Variants in YTHDC1 observed in about 807,000 individuals in gnomAD.
YTHDC1 encodes YTH domain-containing protein 1.
A neutral mutation model predicts 107.0 loss-of-function variants in YTHDC1; 12 were observed. That is an observed-to-expected ratio of 0.11 (90% CI 0.07 to 0.18). YTHDC1 has a LOEUF of 0.18. Among genes scored for constraint, YTHDC1 ranks in the 10% least tolerant of loss-of-function variants. The pLI is 1.00. For synonymous variants in YTHDC1, 280 were observed against 289.5 expected (o/e 0.97, Z 0.33); for missense variants, 635 against 898.8 (o/e 0.71, Z 3.75).
chr4:68,348,814 T>C (rs1378669576), intron 1 of YTHDC1, among the ~76,000 whole-genome samples: 2 of 152,248 alleles, frequency 1.3e-5, no homozygotes, highest in Admixed American at 6.5e-5. Flanking sequence ...GACCGTGTCA[T>C]ATTTTTAACT....
In YTHDC1 at chr4:68,313,202, T is replaced by C. The variant is rs2293595; in HGVS notation, c.*897A>G. 76,824 of 152,050 alleles carry C rather than the reference T, an allele frequency of 0.51. 19,715 individuals carry two copies. Among genetic ancestry groups the C allele is most frequent in the South Asian group, 0.62 (2,985 of 4,818 alleles). The allele number at this position is 152,050 out of a possible 1,614,324, so 9.4% of individuals were successfully genotyped here. On this transcript the variant is annotated 3_prime_UTR_variant, in exon 17 of 17. Transcript: ENST00000344157. ...CCTAGGTCAATCATTTCTGCTAAAG[T>C]GTGCCTCAAAAAAAGCAAATGGGGT... is the stretch of plus-strand genomic sequence containing the variant.
intron 4 of YTHDC1, among the ~76,000 whole-genome samples, chr4:68,335,058 C>G (rs1165927756): frequency 3.3e-5 from 5 of 152,156 alleles, no homozygotes; most frequent in African/African-American, 9.7e-5. Context: ...TCTCCCCCAA[C>G]TATTACTCTC....
Position 68,322,723 on chromosome 4 carries a change from T to C in YTHDC1, c.1601+26A>G, listed in dbSNP as rs758926168. ...CATGTTATTCTGATACATGTGCCTA[T>C]TATCAGTCCAAAGAACGTTTCTAAC... On this transcript the variant is annotated intron_variant, in intron 11 of 16. Transcript: ENST00000344157. This position sits in a 1 kb window ranked among gnomAD's most constrained non-coding sequence, Gnocchi z 4.8. 6.2e-7 allele frequency: 1 copy of C among 1,611,092 alleles called. No individual in the cohort carries two copies. Among genetic ancestry groups the C allele is most frequent in the African/African-American group, 1.3e-5 (1 of 75,022 alleles).
intron 9 of YTHDC1, among the ~76,000 whole-genome samples, chr4:68,329,261 CCA>C (rs1261435004): frequency 6.6e-6 from 1 of 152,092 alleles, no homozygotes; most frequent in African/African-American, 2.4e-5. Flanking sequence ...CCCTGCAACC[CCA>C]TAGTTTGTTT....
intron 5 of YTHDC1, 73 bp downstream of exon 5, chr4:68,333,235 C>G: frequency 8.4e-7 from 1 of 1,190,304 alleles, no homozygotes; most frequent in Non-Finnish European, 1.2e-6. Flanking sequence ...TCACACTAAA[C>G]TACAGCCTCC....
chr4:68,349,017 C>T (rs1725763737), intron 1 of YTHDC1, among the ~76,000 whole-genome samples: 1 of 152,132 alleles, frequency 6.6e-6, no homozygotes, highest in African/African-American at 2.4e-5. Flanking sequence ...AAATTTATCC[C>T]TCCAACTCTC....
In YTHDC1 at chr4:68,332,217, A is replaced by C; in HGVS notation, c.1028-20T>G. Reference sequence around the variant, plus strand: ...TTTGATCTGAAAAAAAAAGAAACCCAAATCGATTAACCACAAGCCATTATC... The same window carrying C: ...TTTGATCTGAAAAAAAAAGAAACCCCAATCGATTAACCACAAGCCATTATC... On this transcript the variant is annotated intron_variant, in intron 6 of 16. Coordinates refer to ENST00000344157, the MANE Select transcript of YTHDC1 (RefSeq NM_001031732.4). The C allele has an allele frequency of 6.5e-7, 1 of 1,539,836 alleles. No homozygotes were observed. Among genetic ancestry groups the C allele is most frequent in the South Asian group, 1.2e-5 (1 of 85,422 alleles).
rs1721428586 is a variant in YTHDC1, at chr4:68,313,070, C to G, written c.*1029G>C. 2 of 152,202 alleles carry G rather than the reference C, an allele frequency of 1.3e-5. No homozygotes were observed. Among genetic ancestry groups the G allele is most frequent in the South Asian group, 4.1e-4 (2 of 4,820 alleles). The allele number at this position is 152,202 out of a possible 1,614,324, so 9.4% of individuals were successfully genotyped here. On this transcript the variant is annotated 3_prime_UTR_variant, in exon 17 of 17. Transcript: ENST00000344157. Reference sequence around the variant, plus strand: ...AAACCTAAATAAACGATTCTGTGATCAGAGTAGACTCAAAATGTTATCAGG... The same window carrying G: ...AAACCTAAATAAACGATTCTGTGATGAGAGTAGACTCAAAATGTTATCAGG...
chr4:68,322,042 A>G lies in YTHDC1; in HGVS notation c.1601+707T>C, dbSNP rs903343813. The stretch of plus-strand genomic sequence containing the variant: ...TACTGCCAGCATCTGGAAAAGTTGT[A>G]AACAGACACAGCAACAGCCCTTCTT... On this transcript the variant is annotated intron_variant, in intron 11 of 16. Transcript: ENST00000344157. This position sits in a 1 kb window ranked among gnomAD's most constrained non-coding sequence, Gnocchi z 4.8. Among the ~76,000 whole-genome samples the G allele has an allele frequency of 2.0e-5, 3 of 152,322 alleles. No individual in the cohort carries two copies. The highest frequency in any genetic ancestry group is 6.5e-5 in the Admixed American group (1 of 15,306).
At position 68,332,106 on chromosome 4, in the gene YTHDC1, C is replaced by G. The variant is rs148462792; in HGVS notation, c.1119G>C (p.Ala373=). 9.5e-5 allele frequency: 152 copies of G among 1,591,674 alleles called. No homozygotes were observed. The highest frequency in any genetic ancestry group is 1.3e-4 in the Non-Finnish European group (148 of 1,168,908). ...NNHENVSLAK[A]KGVWSTLPVN... Reference sequence around the variant, plus strand: ...TCAACAGAACTGATGCTAATACCTTCGCTTTGGCAAGAGACACATTCTCAT... The same window carrying G: ...TCAACAGAACTGATGCTAATACCTTGGCTTTGGCAAGAGACACATTCTCAT... Residue 373 remains alanine, a synonymous_variant, in exon 7 of 17, where the codon GCG becomes GCC. Transcript: ENST00000344157.
intron 7 of YTHDC1, among the ~76,000 whole-genome samples, chr4:68,330,965 C>T (rs973384266): frequency 6.6e-6 from 1 of 152,104 alleles, no homozygotes; most frequent in African/African-American, 2.4e-5. Flanking sequence ...CAAATGACAT[C>T]TCATTCAAAC....
Position 68,311,670 on chromosome 4 carries a change from GTGA to G in YTHDC1, c.*2426_*2428del, listed in dbSNP as rs1393145734. The G allele has an allele frequency of 2.0e-5, 3 of 152,212 alleles. No homozygotes were observed. Among genetic ancestry groups the G allele is most frequent in the Non-Finnish European group, 4.4e-5 (3 of 68,036 alleles). The allele number at this position is 152,212 out of a possible 1,614,324, so 9.4% of individuals were successfully genotyped here. On this transcript the variant is annotated 3_prime_UTR_variant, in exon 17 of 17. Coordinates refer to ENST00000344157, the MANE Select transcript of YTHDC1 (RefSeq NM_001031732.4). ...TTAAAAATTAGGAAAGGAGAAAACA[GTGA>G]TGATTATGTGAGCCAACAGAATTGT...
chr4:68,337,197 T>A lies in YTHDC1; in HGVS notation c.713A>T (p.Glu238Val). ...TTCCTCCTCCTCCTCCTCCTCTTCC[T>A]CCTCCTCCTCTTCCTCCTCCTCCTC... ...DGEEEEEEEEEEEEEEEEEEE... is the reference protein window; with the variant it reads ...DGEEEEEEEEVEEEEEEEEEE... Residue 238 changes from glutamate (E) to valine (V), a missense_variant, in exon 4 of 17, where the codon GAG (glutamate) becomes GTG (valine). Coordinates refer to ENST00000344157, the MANE Select transcript of YTHDC1 (RefSeq NM_001031732.4). 6.2e-7 allele frequency: 1 copy of A among 1,603,844 alleles called. No homozygotes were observed. Among genetic ancestry groups the A allele is most frequent in the Non-Finnish European group, 8.5e-7 (1 of 1,171,850 alleles).
At chr4:68,321,121 C>T (rs1273292811) in intron 11 of YTHDC1, among the ~76,000 whole-genome samples, 1 of 151,976 alleles carries the variant, frequency 6.6e-6, no homozygotes, top group African/African-American at 2.4e-5. Context: ...AAAAAAAAGT[C>T]CAAAATATTT....
chr4:68,336,921 T>A, intron 4 of YTHDC1, 106 bp downstream of exon 4: 1 of 1,395,216 alleles, frequency 7.2e-7, no homozygotes, highest in South Asian at 1.5e-5. Context: ...AAGACAATCC[T>A]ATTAATATCC....
chr4:68,329,136 A>ATTCT (rs1156347847), intron 9 of YTHDC1, among the ~76,000 whole-genome samples: 7 of 151,974 alleles, frequency 4.6e-5, no homozygotes, highest in African/African-American at 1.5e-4. Context: ...ACATTCATTC[A>ATTCT]TTCTTATCCA....
intron 9 of YTHDC1, 83 bp downstream of exon 9, chr4:68,329,919 G>A: frequency 9.8e-7 from 1 of 1,023,326 alleles, no homozygotes. Flanking sequence ...TAAGTATACA[G>A]TGACTTTTTC....
chr4:68,348,448 T>C (rs1044445374), intron 1 of YTHDC1, among the ~76,000 whole-genome samples: 3 of 146,596 alleles, frequency 2.0e-5, no homozygotes, highest in African/African-American at 7.6e-5. Flanking sequence ...CATACAATCC[T>C]ATGTTCCCAT....
intron 11 of YTHDC1, among the ~76,000 whole-genome samples, chr4:68,320,778 A>G (rs554177833): frequency 6.6e-6 from 1 of 152,242 alleles, no homozygotes; most frequent in South Asian, 2.1e-4. Context: ...ACTTTACAGG[A>G]AAGTTTTTAA....
Sources: gnomAD v4.1 joint callset for allele counts (sites outside exome capture counted in the v4.1 genomes callset) on GRCh38, gnomAD v4.1.1 for gene constraint, Gnocchi (gnomAD v3.1) non-coding constraint, MANE v1.5 for transcripts, NCBI Gene and HGNC (gene_info 2026-07-23, HGNC 2026-07-21) for gene names.